GBF1: variants seen among roughly 807,000 people sequenced by gnomAD.
The protein encoded by GBF1 is golgi brefeldin A resistant guanine nucleotide exchange factor 1, also known as Golgi-specific brefeldin A-resistance guanine nucleotide exchange factor 1.
A neutral mutation model predicts 210.5 loss-of-function variants in GBF1; 114 were observed. That is an observed-to-expected ratio of 0.54 (90% CI 0.47 to 0.63). The LOEUF (loss-of-function observed/expected upper bound fraction) is 0.63. Among genes scored for constraint, GBF1 ranks in the 30% least tolerant of loss-of-function variants. GBF1 has a pLI of 0.00. For synonymous variants in GBF1, 850 were observed against 889.2 expected, an observed-to-expected ratio of 0.96 and a Z score of 0.78; for missense variants, 1,851 against 2,357.7, an observed-to-expected ratio of 0.79 and a Z score of 4.45.
chr10:102,233,185 G>A, the GBF1 span, among the ~76,000 whole-genome samples: 2 of 151,792 alleles, frequency 1.3e-5, no homozygotes, highest in Admixed American at 6.5e-5. Context: ...GCCTTCCCTC[G>A]AGATTCGCTC....
intron 38 of GBF1, 84 bp downstream of exon 38, chr10:102,380,770 G>A: frequency 5.2e-6 from 6 of 1,150,386 alleles, no homozygotes; most frequent in Non-Finnish European, 7.5e-6. Flanking sequence ...CACTTTGAGA[G>A]GCCGAGGTGG....
intron 3 of GBF1, among the ~76,000 whole-genome samples, chr10:102,317,706 G>A (rs1211604045): frequency 6.6e-6 from 1 of 151,984 alleles, no homozygotes; most frequent in African/African-American, 2.4e-5. Flanking sequence ...TCTTTTTTTA[G>A]CGCACGCAAA....
chr10:102,264,032 C>T (rs1589414588), intron 3 of GBF1, among the ~76,000 whole-genome samples: 1 of 152,138 alleles, frequency 6.6e-6, no homozygotes, highest in Non-Finnish European at 1.5e-5. Context: ...CTAATGGCTA[C>T]AGGGTTCCTT....
chr10:102,281,960 T>C (rs2133467490), intron 3 of GBF1, among the ~76,000 whole-genome samples: 3 of 150,430 alleles, frequency 2.0e-5, no homozygotes, highest in Middle Eastern at 6.8e-3. Flanking sequence ...AGAGTCTCGC[T>C]CTGTCGCCCA....
chr10:102,289,912 C>T (rs554336912), intron 3 of GBF1, among the ~76,000 whole-genome samples: 29 of 152,252 alleles, frequency 1.9e-4, no homozygotes, highest in Admixed American at 1.4e-3. Flanking sequence ...GAGCTCAAGA[C>T]CAGCCTGGGC....
rs2060494122 is a variant in GBF1, at chr10:102,376,358, A to G, written c.3973A>G (p.Thr1325Ala). ...GTACACTTCCGACTCAGAGGTCTAC[A>G]CTGACCATGGCAGGCCGGGCAAGAT... ...RGYTSDSEVY[T>A]DHGRPGKIHR... The change falls in exon 31 of 40, where the codon ACT (threonine) becomes GCT (alanine). Residue 1325 changes from threonine (T) to alanine (A), a missense_variant. Physicochemically the swap from Thr to Ala is moderately conservative, Grantham distance 58. This residue lies in a region of GBF1 where 967 missense variants were observed against 1,247.7 expected (regional missense o/e 0.78). Transcript: ENST00000369983. The G allele has an allele frequency of 1.2e-6, 2 of 1,614,090 alleles. No individual in the cohort carries two copies.
At chr10:102,271,306 G>A (rs2074394558) in intron 3 of GBF1, among the ~76,000 whole-genome samples, 1 of 152,132 alleles carries the variant, frequency 6.6e-6, no homozygotes, top group Non-Finnish European at 1.5e-5. Context: ...CCAAGTGCTG[G>A]AATTACAGGC....
At chr10:102,355,477 C>A (rs2059241243) in intron 8 of GBF1, among the ~76,000 whole-genome samples, 1 of 152,156 alleles carries the variant, frequency 6.6e-6, no homozygotes, top group Non-Finnish European at 1.5e-5. Context: ...ACCTACTGCC[C>A]ACCCCACACC....
intron 3 of GBF1, among the ~76,000 whole-genome samples, chr10:102,298,229 G>A (rs1019916054): frequency 6.6e-6 from 1 of 152,050 alleles, no homozygotes; most frequent in Non-Finnish European, 1.5e-5. Flanking sequence ...CACCATGCCC[G>A]GCCGAAACTA....
chr10:102,367,303 G>A (rs2059966749), intron 20 of GBF1, 93 bp downstream of exon 20: 28 of 1,397,150 alleles, frequency 2.0e-5, no homozygotes, highest in Non-Finnish European at 2.7e-5. Context: ...ATGATGGATG[G>A]GGTTCTGTCC....
At chr10:102,269,228 T>A (rs2074169882) in intron 3 of GBF1, among the ~76,000 whole-genome samples, 1 of 152,250 alleles carries the variant, frequency 6.6e-6, no homozygotes, top group East Asian at 1.9e-4. Context: ...TGTTCCACGC[T>A]TATTGAGCAA....
At chr10:102,327,422 A>C (rs547503813) in intron 3 of GBF1, among the ~76,000 whole-genome samples, 1 of 152,346 alleles carries the variant, frequency 6.6e-6, no homozygotes, top group South Asian at 2.1e-4. Context: ...AGTCAAGAGA[A>C]ACAAACACAT....
At chr10:102,251,947 G>A (rs1357014529) in intron 1 of GBF1, among the ~76,000 whole-genome samples, 3 of 152,182 alleles carry the variant, frequency 2.0e-5, no homozygotes, top group African/African-American at 7.2e-5. Context: ...GGCCGAGGCA[G>A]GCAGATCACT....
intron 1 of GBF1, among the ~76,000 whole-genome samples, chr10:102,250,849 C>T (rs1036431585): frequency 6.6e-6 from 1 of 151,926 alleles, no homozygotes; most frequent in East Asian, 1.9e-4. Flanking sequence ...CCCAGCTACT[C>T]GGGAGGCTGA....
chr10:102,345,110 C>A (rs1430225024), intron 4 of GBF1, among the ~76,000 whole-genome samples: 3 of 151,362 alleles, frequency 2.0e-5, no homozygotes, highest in Admixed American at 6.6e-5. Flanking sequence ...GGTGAAACCC[C>A]GTATCTACTA....
chr10:102,277,651 T>C (rs1478827204), intron 3 of GBF1, among the ~76,000 whole-genome samples: 2 of 152,208 alleles, frequency 1.3e-5, no homozygotes, highest in Non-Finnish European at 2.9e-5. Context: ...AGTGCTAGGA[T>C]TACAGGCGTG....
intron 3 of GBF1, among the ~76,000 whole-genome samples, chr10:102,333,298 G>T (rs1028946660): frequency 6.6e-6 from 1 of 152,198 alleles, no homozygotes; most frequent in Non-Finnish European, 1.5e-5. Context: ...TCCGTTGACA[G>T]TGTTTTCTGG....
chr10:102,320,768 T>G (rs919999758), intron 3 of GBF1, among the ~76,000 whole-genome samples: 7 of 151,962 alleles, frequency 4.6e-5, no homozygotes, highest in Non-Finnish European at 1.0e-4. Flanking sequence ...TTCTACTTAT[T>G]ATATATTTTA....
chr10:102,367,401 T>G, intron 20 of GBF1, 77 bp from the exon 21 acceptor site: 1 of 1,168,386 alleles, frequency 8.6e-7, no homozygotes. Context: ...AAGTCCTATT[T>G]ACTGAAAACC....
Sources: gnomAD v4.1 joint callset for allele counts (sites outside exome capture counted in the v4.1 genomes callset) on GRCh38, gnomAD v4.1.1 for gene constraint, gnomAD v4.1.1 regional missense constraint, MANE v1.5 for transcripts, NCBI Gene and HGNC (gene_info 2026-07-23, HGNC 2026-07-21) for gene names.